NAV3: variants seen among roughly 807,000 people sequenced by gnomAD.
The protein encoded by NAV3 is pore membrane and/or filament interacting like protein 1.
Under a neutral mutation model 244.7 loss-of-function variants are expected in NAV3, and 87 were observed. The observed-to-expected ratio is 0.36, with a 90% confidence interval of 0.30 to 0.42. NAV3 has a LOEUF of 0.42. Among genes scored for constraint, NAV3 ranks in the 20% least tolerant of loss-of-function variants. The pLI, the probability that NAV3 is intolerant of heterozygous loss-of-function variation, is 1.00. For synonymous variants in NAV3, 1,126 were observed against 1,042.2 expected, an observed-to-expected ratio of 1.08 and a Z score of -1.55; for missense variants, 2,663 against 2,893.3, an observed-to-expected ratio of 0.92 and a Z score of 1.83.
chr12:77,908,417 G>C (rs1402759412), intron 1 of NAV3, among the ~76,000 whole-genome samples: 1 of 151,968 alleles, frequency 6.6e-6, no homozygotes, highest in Non-Finnish European at 1.5e-5. Context: ...ATATAAAATG[G>C]TTTCCAAATG....
At position 78,090,540 on chromosome 12, in the gene NAV3, A is replaced by G. The variant is rs866841755; in HGVS notation, c.2637-26232A>G. Reference sequence around the variant, plus strand: ...AAGTATATGATGAGCTTTTTGGAATATTTTCTCAATGATCTTGGTGCCATC... The same window carrying G: ...AAGTATATGATGAGCTTTTTGGAATGTTTTCTCAATGATCTTGGTGCCATC... On this transcript the variant is annotated intron_variant, in intron 12 of 39. Coordinates refer to ENST00000397909, the MANE Select transcript of NAV3 (RefSeq NM_001024383.2). 1.9e-4 allele frequency among the ~76,000 whole-genome samples: 29 copies of G among 152,146 alleles called. No individual in the cohort carries two copies. The Middle Eastern group carries it at 0.024, about 125-fold the overall frequency.
chr12:77,628,283 T>A (rs893765677), intron 2 of NAV3, among the ~76,000 whole-genome samples: 1 of 152,188 alleles, frequency 6.6e-6, no homozygotes, highest in African/African-American at 2.4e-5. Flanking sequence ...ACAATTATTA[T>A]GTATCAATAA....
intron 5 of NAV3, among the ~76,000 whole-genome samples, chr12:77,969,565 G>A (rs1021984104): frequency 9.2e-5 from 14 of 152,150 alleles, no homozygotes; most frequent in South Asian, 2.1e-4. Flanking sequence ...CCAAACTTTC[G>A]GCCAGGCACG....
intron 12 of NAV3, among the ~76,000 whole-genome samples, chr12:78,078,969 G>A (rs1366008609): frequency 6.6e-6 from 1 of 152,170 alleles, no homozygotes; most frequent in Non-Finnish European, 1.5e-5. Flanking sequence ...AATGTTGCTG[G>A]TTTTTAACCA....
intron 3 of NAV3, among the ~76,000 whole-genome samples, chr12:77,957,367 T>C (rs1891461601): frequency 1.3e-5 from 2 of 152,220 alleles, no homozygotes; most frequent in Admixed American, 1.3e-4. Flanking sequence ...GGTTTAGATT[T>C]AATCACAAAC....
At chr12:78,180,399 C>T (rs776856458) in intron 29 of NAV3, among the ~76,000 whole-genome samples, 23 of 151,968 alleles carry the variant, frequency 1.5e-4, no homozygotes, top group Non-Finnish European at 2.8e-4. Context: ...GAAACTTTTT[C>T]AGATGTTAGA....
intron 2 of NAV3, among the ~76,000 whole-genome samples, chr12:77,801,986 A>G (rs1260536874): frequency 6.6e-6 from 1 of 152,174 alleles, no homozygotes; most frequent in East Asian, 1.9e-4. Flanking sequence ...TGCTGACTAA[A>G]TATTTGATGA....
Position 78,177,610 on chromosome 12 carries a change from G to A in NAV3, c.5298-10G>A, listed in dbSNP as rs761914232. The A allele has an allele frequency of 1.3e-6, 2 of 1,596,272 alleles. No homozygotes were observed. The highest frequency in any genetic ancestry group is 1.1e-5 in the South Asian group (1 of 90,978). ...TGTCCATGTATCTGTCTAACTGTATGTACATACAGGTCACCCCTTGTCTGG... is the reference window on the plus strand; with the variant it reads ...TGTCCATGTATCTGTCTAACTGTATATACATACAGGTCACCCCTTGTCTGG... On this transcript the variant is annotated splice_polypyrimidine_tract_variant and intron_variant, in intron 27 of 39. Coordinates refer to ENST00000397909, the MANE Select transcript of NAV3 (RefSeq NM_001024383.2).
chr12:78,199,430 T>C lies in NAV3; in HGVS notation c.6614T>C (p.Ile2205Thr), dbSNP rs777416186. Residue 2205 changes from isoleucine to threonine, a missense_variant, in exon 37 of 40, where the codon ATT becomes ACT. Physicochemically the swap from Ile to Thr is moderately conservative, Grantham distance 89 (BLOSUM62 -1). Transcript: ENST00000397909. Reference sequence around the variant, plus strand: ...ATAGAGATAGAAATTGAAAGGAACATTCGCAATAATGACCTAGTCAAAATT... The same window carrying C: ...ATAGAGATAGAAATTGAAAGGAACACTCGCAATAATGACCTAGTCAAAATT... The part of the protein sequence containing the change: ...KLIEIEIERN[I>T]RNNDLVKIID... 10 of 1,610,452 alleles carry C rather than the reference T, an allele frequency of 6.2e-6. No homozygotes were observed. The highest frequency in any genetic ancestry group is 1.6e-4 in the Middle Eastern group (1 of 6,066).
chr12:78,073,904 G>A (rs190909135), intron 12 of NAV3, among the ~76,000 whole-genome samples: 310 of 152,310 alleles, frequency 2.0e-3, no homozygotes, highest in Non-Finnish European at 3.8e-3. Flanking sequence ...TACTAAATTT[G>A]TGGAATATGT....
At chr12:77,822,955 G>A (rs955077527) in intron 2 of NAV3, among the ~76,000 whole-genome samples, 1 of 152,128 alleles carries the variant, frequency 6.6e-6, no homozygotes, top group African/African-American at 2.4e-5. Flanking sequence ...TAGACTAACA[G>A]GGATCATATT....
chr12:77,688,788 A>G (rs191773626), intron 2 of NAV3, among the ~76,000 whole-genome samples: 8 of 152,026 alleles, frequency 5.3e-5, no homozygotes, highest in Admixed American at 3.9e-4. Context: ...AAAACGAGAA[A>G]TTCAATGGAT....
intron 5 of NAV3, among the ~76,000 whole-genome samples, chr12:77,989,081 C>T (rs1227985867): frequency 6.6e-6 from 1 of 151,952 alleles, no homozygotes; most frequent in Non-Finnish European, 1.5e-5. Flanking sequence ...CATATTGAAC[C>T]ACAAGATTTG....
chr12:77,873,196 T>G (rs1881247607), intron 1 of NAV3, among the ~76,000 whole-genome samples: 1 of 152,240 alleles, frequency 6.6e-6, no homozygotes. Flanking sequence ...CTTGAGTCCC[T>G]TATACTTCTT....
intron 2 of NAV3, among the ~76,000 whole-genome samples, chr12:77,690,623 A>G (rs960717869): frequency 1.3e-5 from 2 of 151,136 alleles, no homozygotes; most frequent in African/African-American, 2.4e-5. Context: ...GTGCATTCCA[A>G]GCTCAACTCT....
At chr12:77,971,065 G>A (rs1892958102) in intron 5 of NAV3, among the ~76,000 whole-genome samples, 1 of 151,886 alleles carries the variant, frequency 6.6e-6, no homozygotes, top group South Asian at 2.1e-4. Flanking sequence ...TTAGGAAATT[G>A]TTTATTTTCC....
chr12:77,655,432 G>C (rs1353807983), intron 2 of NAV3, among the ~76,000 whole-genome samples: 4 of 152,162 alleles, frequency 2.6e-5, no homozygotes, highest in African/African-American at 7.2e-5. Flanking sequence ...AACGAACAAA[G>C]CCTCCAAGAA....
chr12:77,924,771 C>T (rs1888031801), intron 1 of NAV3, among the ~76,000 whole-genome samples: 1 of 152,026 alleles, frequency 6.6e-6, no homozygotes, highest in Non-Finnish European at 1.5e-5. Context: ...TTTGAAATTA[C>T]TACACATTTG....
At chr12:77,865,982 A>G (rs1242073068) in intron 1 of NAV3, among the ~76,000 whole-genome samples, 3 of 138,754 alleles carry the variant, frequency 2.2e-5, no homozygotes, top group Admixed American at 1.5e-4. Flanking sequence ...ACCTCACATT[A>G]TAAGTTTTTT....
Sources: allele counts gnomAD v4.1 joint callset (sites outside exome capture counted in the v4.1 genomes callset), GRCh38; gene constraint gnomAD v4.1.1; transcripts MANE v1.5; gene names NCBI Gene and HGNC (gene_info 2026-07-23, HGNC 2026-07-21).